Variants in SLC25A48 observed in about 807,000 individuals in gnomAD.
The protein encoded by SLC25A48 is solute carrier family 25 member 48.
A neutral mutation model predicts 32.2 loss-of-function variants in SLC25A48; 29 were observed. The ratio of observed to expected loss-of-function variants is 0.90; its 90% CI spans 0.67 to 1.23. The LOEUF (loss-of-function observed/expected upper bound fraction) is 1.23, where lower values mean the gene tolerates loss of function less well. Ranked by LOEUF, SLC25A48 falls within the 50% of genes most tolerant of loss-of-function variation. The pLI, the probability that SLC25A48 is intolerant of heterozygous loss-of-function variation, is 0.00. For synonymous variants in SLC25A48, 164 were observed against 172.3 expected, an observed-to-expected ratio of 0.95 and a Z score of 0.38; for missense variants, 399 against 422.7, an observed-to-expected ratio of 0.94 and a Z score of 0.49.
chr5:135,828,862 A>C (rs1398103082), intron 4 of SLC25A48, among the ~76,000 whole-genome samples: 2 of 151,568 alleles, frequency 1.3e-5, no homozygotes, highest in Non-Finnish European at 2.9e-5. Flanking sequence ...GGTGAGCAAA[A>C]CTCTTCCCGA....
intron 3 of SLC25A48, among the ~76,000 whole-genome samples, chr5:135,768,045 GGAT>G (rs1756292780): frequency 6.9e-6 from 1 of 144,906 alleles, no homozygotes; most frequent in Non-Finnish European, 1.5e-5. Context: ...GGGGGAGAAA[GGAT>G]GATATTACTC....
At chr5:135,839,600 G>C (rs113697152) in intron 1 of SLC25A48, among the ~76,000 whole-genome samples, 20 of 152,252 alleles carry the variant, frequency 1.3e-4, no homozygotes, top group African/African-American at 4.6e-4. Context: ...TTGGGGCGCC[G>C]TTGGGAAGGC....
chr5:135,702,204 G>A (rs577244347), intron 3 of SLC25A48, among the ~76,000 whole-genome samples: 4 of 152,292 alleles, frequency 2.6e-5, no homozygotes, highest in African/African-American at 9.6e-5. Context: ...ATATGTCCAC[G>A]TCCTAATGCC....
intron 3 of SLC25A48, among the ~76,000 whole-genome samples, chr5:135,805,017 A>C (rs899033298): frequency 6.6e-6 from 1 of 151,392 alleles, no homozygotes; most frequent in Non-Finnish European, 1.5e-5. Flanking sequence ...GTTAGTGTGC[A>C]CCCTGAAATA....
Position 135,860,251 on chromosome 5 carries a change from A to C in SLC25A48, c.421+7430A>C, listed in dbSNP as rs542778452. Among the ~76,000 whole-genome samples the C allele has an allele frequency of 3.3e-5, 5 of 152,340 alleles. No individual in the cohort carries two copies. The South Asian group carries it at 6.2e-4, about 19-fold the overall frequency. ...ATAAGTGAGAAGAGGTGTCTGGGGA[A>C]GTGAATCCTCTCCCATTTTTCTTGA... On this transcript the variant is annotated intron_variant, in intron 4 of 7. Coordinates refer to ENST00000681962, the MANE Select transcript of SLC25A48 (RefSeq NM_001349336.2).
intron 2 of SLC25A48, among the ~76,000 whole-genome samples, chr5:135,844,117 A>T (rs967978782): frequency 6.6e-6 from 1 of 152,152 alleles, no homozygotes; most frequent in African/African-American, 2.4e-5. Context: ...TCCACCCTCC[A>T]TGAGAGCTGG....
intron 3 of SLC25A48, among the ~76,000 whole-genome samples, chr5:135,751,407 G>A (rs904912438): frequency 6.6e-6 from 1 of 152,138 alleles, no homozygotes; most frequent in Non-Finnish European, 1.5e-5. Flanking sequence ...GGTTCCTTAG[G>A]GACACAGACT....
intron 3 of SLC25A48, among the ~76,000 whole-genome samples, chr5:135,729,358 T>TC (rs1755172530): frequency 6.6e-6 from 1 of 152,210 alleles, no homozygotes; most frequent in Admixed American, 6.5e-5. Flanking sequence ...GGAAAGATTT[T>TC]TTTTTTTTTG....
chr5:135,686,883 G>T (rs1754031458), intron 3 of SLC25A48, among the ~76,000 whole-genome samples: 1 of 152,096 alleles, frequency 6.6e-6, no homozygotes, highest in Non-Finnish European at 1.5e-5. Context: ...CTGACATTCT[G>T]GGAAGAGCTT....
At chr5:135,622,705 A>G (rs570472696) in intron 1 of SLC25A48, among the ~76,000 whole-genome samples, 2 of 152,228 alleles carry the variant, frequency 1.3e-5, no homozygotes, top group African/African-American at 2.4e-5. Context: ...GAGCAATTTT[A>G]TGTTCTTTAC....
At chr5:135,704,686 A>G (rs1042075383) in intron 3 of SLC25A48, among the ~76,000 whole-genome samples, 1 of 152,226 alleles carries the variant, frequency 6.6e-6, no homozygotes, top group Non-Finnish European at 1.5e-5. Flanking sequence ...AGATATTATT[A>G]TTATTCCCAT....
intron 1 of SLC25A48, among the ~76,000 whole-genome samples, chr5:135,588,899 G>T (rs1751439303): frequency 6.6e-6 from 1 of 152,132 alleles, no homozygotes; most frequent in Admixed American, 6.5e-5. Flanking sequence ...AGGTCTGTTT[G>T]AGGCCATTTC....
chr5:135,614,119 C>T (rs538821905), intron 1 of SLC25A48, among the ~76,000 whole-genome samples: 73 of 152,144 alleles, frequency 4.8e-4, no homozygotes, highest in Middle Eastern at 3.4e-3. Context: ...ATTTCTTTCA[C>T]CAGTGTTTTG....
chr5:135,871,481 A>G lies in SLC25A48; in HGVS notation c.442A>G (p.Arg148Gly). 1 of 1,598,850 alleles carries G rather than the reference A, an allele frequency of 6.3e-7. No individual in the cohort carries two copies. The highest frequency in any genetic ancestry group is 1.1e-5 in the South Asian group (1 of 89,304). Residue 148 changes from arginine (R) to glycine (G), a missense_variant, in exon 5 of 8, where the codon AGG (arginine) becomes GGG (glycine). Arg to Gly is a moderately radical substitution (Grantham distance 125). Coordinates refer to ENST00000681962, the MANE Select transcript of SLC25A48 (RefSeq NM_001349336.2). The stretch of plus-strand genomic sequence containing the variant: ...TGCAGCCAACCTCGGTTTGAAGTCC[A>G]GGGCAGTGGCTCCTGCGGAGCAGCC... ...FRDANLGLKS[R>G]AVAPAEQPAY...
intron 2 of SLC25A48, among the ~76,000 whole-genome samples, chr5:135,843,948 A>C (rs1759211579): frequency 6.6e-6 from 1 of 152,176 alleles, no homozygotes; most frequent in South Asian, 2.1e-4. Flanking sequence ...AGGGCTGTGC[A>C]GCAAGTTCAT....
At chr5:135,835,216 C>T (rs537912837) in intron 1 of SLC25A48, 1 of 574,686 alleles carries the variant, frequency 1.7e-6, no homozygotes, top group East Asian at 4.0e-5. Context: ...ACACACCCTT[C>T]AGTGACCTGG....
chr5:135,734,906 A>T (rs995611716), intron 3 of SLC25A48, among the ~76,000 whole-genome samples: 3 of 151,946 alleles, frequency 2.0e-5, no homozygotes, highest in African/African-American at 7.2e-5. Context: ...ATGGTCCAGG[A>T]AGCTTCTGAG....
At chr5:135,662,612 G>A (rs758715522) in intron 3 of SLC25A48, among the ~76,000 whole-genome samples, 1 of 152,116 alleles carries the variant, frequency 6.6e-6, no homozygotes, top group Non-Finnish European at 1.5e-5. Context: ...TCAAATCCTG[G>A]CTCTTCCTGT....
chr5:135,634,562 TA>T (rs1474208480), intron 2 of SLC25A48, among the ~76,000 whole-genome samples: 1 of 152,228 alleles, frequency 6.6e-6, no homozygotes, highest in East Asian at 1.9e-4. Flanking sequence ...GAGAAGGTCA[TA>T]AAAGACTGAC....
Sources: allele counts gnomAD v4.1 joint callset (sites outside exome capture counted in the v4.1 genomes callset), GRCh38; gene constraint gnomAD v4.1.1; transcripts MANE v1.5; gene names NCBI Gene and HGNC (gene_info 2026-07-23, HGNC 2026-07-21).